PDZD8: variants seen among roughly 807,000 people sequenced by gnomAD.
The protein encoded by PDZD8 is PDZ domain containing 8.
In PDZD8, 14 loss-of-function variants were observed where a neutral mutation model predicts 85.8. That is an observed-to-expected ratio of 0.16 (90% CI 0.11 to 0.26). The LOEUF (loss-of-function observed/expected upper bound fraction) is 0.26, where lower values mean the gene tolerates loss of function less well. PDZD8 is among the 10% of genes least tolerant of loss of function. The probability of loss-of-function intolerance (pLI) is 1.00; values close to 1 mark genes in which losing one functional copy is unlikely to be tolerated. For missense variants in PDZD8, 1,197 were observed against 1,424.3 expected (o/e 0.84, Z 2.57); for synonymous variants, 592 against 568.6 (o/e 1.04, Z -0.59).
At chr10:117,301,297 T>G (rs1843843323) in intron 3 of PDZD8, among the ~76,000 whole-genome samples, 1 of 152,118 alleles carries the variant, frequency 6.6e-6, no homozygotes, top group Non-Finnish European at 1.5e-5. Flanking sequence ...AAATCATCAT[T>G]TTTGAGGGAC....
intron 2 of PDZD8, among the ~76,000 whole-genome samples, chr10:117,336,800 A>G (rs988613641): frequency 6.6e-6 from 1 of 152,134 alleles, no homozygotes. Context: ...AATGGTGACA[A>G]TAAACTAAGA....
chr10:117,347,519 C>T (rs1844728977), intron 1 of PDZD8, among the ~76,000 whole-genome samples: 1 of 152,110 alleles, frequency 6.6e-6, no homozygotes, highest in Non-Finnish European at 1.5e-5. Flanking sequence ...CAAGCTGTAC[C>T]CCTGATCACC....
At chr10:117,329,118 A>G (rs1313047277) in intron 2 of PDZD8, among the ~76,000 whole-genome samples, 1 of 152,236 alleles carries the variant, frequency 6.6e-6, no homozygotes, top group African/African-American at 2.4e-5. Context: ...AAATTATATA[A>G]TGACCAGAAG....
chr10:117,356,980 T>C (rs1844906248), intron 1 of PDZD8, among the ~76,000 whole-genome samples: 2 of 152,154 alleles, frequency 1.3e-5, no homozygotes. Flanking sequence ...AAACTTTTTT[T>C]CCCAGTAAAA....
intron 1 of PDZD8, among the ~76,000 whole-genome samples, chr10:117,354,646 AT>A (rs1168095398): frequency 2.6e-5 from 4 of 152,114 alleles, no homozygotes; most frequent in Admixed American, 2.6e-4. Flanking sequence ...AGGCTCAGGA[AT>A]ACACACAACA....
rs1453482265 is a variant in PDZD8, at chr10:117,284,609, G to A, written c.2124C>T (p.His708=). The A allele has an allele frequency of 1.2e-6, 2 of 1,614,192 alleles. No individual in the cohort carries two copies. The highest frequency in any genetic ancestry group is 1.7e-6 in the Non-Finnish European group (2 of 1,180,028). ...ASCLFDIEAC[H]RYLNIALWCR... ...ACCACAATGCAATGTTTAAGTACCT[G>A]TGACAGGCTTCTATGTCAAACAAAC... Residue 708 remains histidine, a synonymous_variant, in exon 5 of 5, where the codon CAC becomes CAT. Coordinates refer to ENST00000334464, the MANE Select transcript of PDZD8 (RefSeq NM_173791.5).
chr10:117,346,250 A>T (rs1262486354), intron 1 of PDZD8, among the ~76,000 whole-genome samples: 2 of 151,292 alleles, frequency 1.3e-5, no homozygotes, highest in Admixed American at 6.6e-5. Flanking sequence ...AAAAAAAAAA[A>T]ACTATAGGGA....
At chr10:117,302,267 A>G (rs533945299) in intron 3 of PDZD8, among the ~76,000 whole-genome samples, 4 of 152,340 alleles carry the variant, frequency 2.6e-5, no homozygotes, top group African/African-American at 9.6e-5. Context: ...ATTTAGTTCC[A>G]TCACTTTAAT....
At chr10:117,336,319 T>C (rs927305327) in intron 2 of PDZD8, among the ~76,000 whole-genome samples, 2 of 152,216 alleles carry the variant, frequency 1.3e-5, no homozygotes, top group African/African-American at 2.4e-5. Context: ...GGTGAACTCA[T>C]GATTTCTAAA....
rs1174729373 is a variant in PDZD8, at chr10:117,283,759, TAGA to T, written c.2971_2973del (p.Ser991del). 3 of 1,614,116 alleles carry T rather than the reference TAGA, an allele frequency of 1.9e-6. No individual in the cohort carries two copies. Among genetic ancestry groups the T allele is most frequent in the East Asian group, 2.2e-5 (1 of 44,896 alleles). On this transcript the variant is annotated inframe_deletion, in exon 5 of 5. Coordinates refer to ENST00000334464, the MANE Select transcript of PDZD8 (RefSeq NM_173791.5). ...TTTATTCCTGTGCTGTTTCCCCGTT[TAGA>T]AGGACTGTTTGGACCACAGACCTCC...
intron 1 of PDZD8, among the ~76,000 whole-genome samples, chr10:117,356,858 T>C (rs995458330): frequency 6.6e-6 from 1 of 152,160 alleles, no homozygotes; most frequent in Non-Finnish European, 1.5e-5. Flanking sequence ...CTCAAAGGCT[T>C]TGGAGTACAC....
chr10:117,363,238 T>G (rs1378703980), intron 1 of PDZD8, among the ~76,000 whole-genome samples: 1 of 152,082 alleles, frequency 6.6e-6, no homozygotes, highest in Non-Finnish European at 1.5e-5. Context: ...AACCACATCC[T>G]TAGTAATAAG....
intron 1 of PDZD8, among the ~76,000 whole-genome samples, chr10:117,344,476 C>T (rs913895078): frequency 1.3e-5 from 2 of 152,174 alleles, no homozygotes; most frequent in African/African-American, 2.4e-5. Flanking sequence ...CAAGCTCTAC[C>T]GCCTGGGTTC....
intron 1 of PDZD8, among the ~76,000 whole-genome samples, chr10:117,372,042 G>A (rs1332247695): frequency 1.3e-5 from 2 of 152,188 alleles, no homozygotes; most frequent in African/African-American, 2.4e-5. Context: ...GTATTGTTCA[G>A]TACTGAAATC....
rs745508702 is a variant in PDZD8, at chr10:117,283,431, A to G, written c.3302T>C (p.Ile1101Thr). Residue 1101 changes from isoleucine (I) to threonine (T), a missense_variant, in exon 5 of 5, where the codon ATA becomes ACA. Physicochemically the swap from Ile to Thr is moderately conservative, Grantham distance 89. Around this residue, in one of 4 missense-constraint regions of PDZD8, gnomAD observed 418 missense variants for 571.1 expected, o/e 0.73. Transcript: ENST00000334464. ...MIHYRAGIED[I>T]ETLESLSLDQ... ...TAAAGACAGACTTTCTAAAGTTTCT[A>G]TATCTTCAATGCCTGCTCTGTAGTG... is the stretch of plus-strand genomic sequence containing the variant. 35 of 1,613,988 alleles carry G rather than the reference A, an allele frequency of 2.2e-5. No homozygotes were observed. Among genetic ancestry groups the G allele is most frequent in the Middle Eastern group, 3.3e-4 (2 of 6,084 alleles).
intron 2 of PDZD8, among the ~76,000 whole-genome samples, chr10:117,339,579 G>A (rs1390650385): frequency 6.6e-6 from 1 of 152,156 alleles, no homozygotes; most frequent in African/African-American, 2.4e-5. Context: ...TTTTTAAATG[G>A]TTGAAAAGTA....
chr10:117,318,705 ATTTAC>A (rs1319557914), intron 3 of PDZD8, among the ~76,000 whole-genome samples, 162 bp downstream of exon 3: 2 of 152,146 alleles, frequency 1.3e-5, no homozygotes, highest in African/African-American at 4.8e-5. Flanking sequence ...GTTTCTTGTG[ATTTAC>A]TTTATCACTG....
In PDZD8 at chr10:117,374,293, C is replaced by T. The variant is rs920498060; in HGVS notation, c.872+63G>A. On this transcript the variant is annotated intron_variant, in intron 1 of 4. Coordinates refer to ENST00000334464, the MANE Select transcript of PDZD8 (RefSeq NM_173791.5). This position sits in a 1 kb window ranked among gnomAD's most constrained non-coding sequence, Gnocchi z 7.8. Reference sequence around the variant, plus strand: ...ATGAGCCTTTGCCCTTCCCAATCCACGCAGCGTCCCGCCCAGGCCCGGGTT... The same window carrying T: ...ATGAGCCTTTGCCCTTCCCAATCCATGCAGCGTCCCGCCCAGGCCCGGGTT... The T allele has an allele frequency of 3.8e-6, 6 of 1,581,056 alleles. No individual in the cohort carries two copies. The African/African-American group carries it at 6.7e-5, about 18-fold the overall frequency.
chr10:117,284,438 T>A lies in PDZD8; in HGVS notation c.2295A>T (p.Ile765=), dbSNP rs1227275062. ...LRLEAPSPKA[I]VTRTALRNLS... ...GATTGCGTAGTGCGGTTCTAGTGACTATAGCCTTAGGTGAGGGGGCTTCCA... is the reference window on the plus strand; with the variant it reads ...GATTGCGTAGTGCGGTTCTAGTGACAATAGCCTTAGGTGAGGGGGCTTCCA... The change falls in exon 5 of 5, where the codon ATA becomes ATT. Residue 765 remains isoleucine, a synonymous_variant. Coordinates refer to ENST00000334464, the MANE Select transcript of PDZD8 (RefSeq NM_173791.5). 8 of 1,614,074 alleles carry A rather than the reference T, an allele frequency of 5.0e-6. No homozygotes were observed. Among genetic ancestry groups the A allele is most frequent in the Non-Finnish European group, 5.9e-6 (7 of 1,180,036 alleles).
Sources: allele counts gnomAD v4.1 joint callset (sites outside exome capture counted in the v4.1 genomes callset), GRCh38; gene constraint gnomAD v4.1.1; regional missense constraint gnomAD v4.1.1; non-coding constraint Gnocchi (gnomAD v3.1); transcripts MANE v1.5; gene names NCBI Gene and HGNC (gene_info 2026-07-23, HGNC 2026-07-21).